Variants in MACROD2 observed in about 807,000 individuals in gnomAD.
The protein encoded by MACROD2 is ADP-ribose glycohydrolase MACROD2.
MACROD2 carries 36 observed loss-of-function variants against 70.4 expected under a neutral mutation model. The ratio of observed to expected loss-of-function variants is 0.51; its 90% CI spans 0.39 to 0.68. MACROD2 has a LOEUF of 0.68. Among genes scored for constraint, MACROD2 ranks in the 30% least tolerant of loss-of-function variants. The probability of loss-of-function intolerance (pLI) is 0.00; values close to 1 mark genes in which losing one functional copy is unlikely to be tolerated. For missense variants in MACROD2, 496 were observed against 538.4 expected, an observed-to-expected ratio of 0.92 and a Z score of 0.78; for synonymous variants, 172 against 178.8, an observed-to-expected ratio of 0.96 and a Z score of 0.30.
At chr20:15,817,661 A>G (rs2063891689) in intron 8 of MACROD2, among the ~76,000 whole-genome samples, 1 of 152,128 alleles carries the variant, frequency 6.6e-6, no homozygotes, top group Non-Finnish European at 1.5e-5. Flanking sequence ...TGGTGCCAGT[A>G]TCTTAGGTTA....
chr20:14,374,883 T>C (rs1400897554), intron 3 of MACROD2, among the ~76,000 whole-genome samples: 1 of 152,206 alleles, frequency 6.6e-6, no homozygotes, highest in Non-Finnish European at 1.5e-5. Context: ...GGCACATCTC[T>C]TTTCTCCCAA....
intron 5 of MACROD2, among the ~76,000 whole-genome samples, chr20:14,946,721 A>G (rs536473618): frequency 1.3e-5 from 2 of 152,312 alleles, no homozygotes; most frequent in South Asian, 4.1e-4. Flanking sequence ...GTTTAGAGAA[A>G]AGAACACAGG....
intron 8 of MACROD2, among the ~76,000 whole-genome samples, chr20:15,639,561 G>A (rs2049422614): frequency 6.6e-6 from 1 of 152,144 alleles, no homozygotes; most frequent in Non-Finnish European, 1.5e-5. Context: ...TGCAGAGCCA[G>A]GCACAGATCT....
At chr20:14,592,049 A>G (rs1418895602) in intron 4 of MACROD2, among the ~76,000 whole-genome samples, 1 of 152,186 alleles carries the variant, frequency 6.6e-6, no homozygotes, top group Non-Finnish European at 1.5e-5. Context: ...GTGGAAGGAC[A>G]TGGCAAATAG....
At chr20:15,258,525 T>C (rs2077220008) in intron 6 of MACROD2, among the ~76,000 whole-genome samples, 2 of 152,128 alleles carry the variant, frequency 1.3e-5, no homozygotes, top group Admixed American at 6.6e-5. Flanking sequence ...TAACATGCTG[T>C]TCACATTTGT....
intron 3 of MACROD2, among the ~76,000 whole-genome samples, chr20:14,469,578 T>G (rs1389815100): frequency 6.6e-6 from 1 of 152,116 alleles, no homozygotes; most frequent in East Asian, 1.9e-4. Flanking sequence ...GTTGTAGGTT[T>G]GGTCTTTTCA....
intron 3 of MACROD2, among the ~76,000 whole-genome samples, chr20:14,197,639 C>T (rs1365704601): frequency 3.3e-5 from 5 of 151,996 alleles, no homozygotes; most frequent in African/African-American, 4.8e-5. Context: ...TGGTGGTGGG[C>T]GCCTGTAATC....
intron 3 of MACROD2, among the ~76,000 whole-genome samples, chr20:14,376,308 G>C (rs1343128285): frequency 6.6e-6 from 1 of 152,050 alleles, no homozygotes; most frequent in East Asian, 1.9e-4. Context: ...GTCGTGACCA[G>C]AATTGTACAT....
intron 8 of MACROD2, among the ~76,000 whole-genome samples, chr20:15,599,876 ATG>A (rs2048795785): frequency 6.6e-6 from 1 of 152,164 alleles, no homozygotes; most frequent in Non-Finnish European, 1.5e-5. Context: ...TGCCTTCTCC[ATG>A]GAATGCTTTT....
At chr20:16,049,727 G>C in intron 17 of MACROD2, 103 bp from the exon 18 acceptor site, 1 of 1,152,356 alleles carries the variant, frequency 8.7e-7, no homozygotes, top group East Asian at 2.5e-5. Context: ...GCCTATGTGA[G>C]GGGTGAGAGA....
chr20:15,391,127 G>C (rs2045786911), intron 6 of MACROD2, among the ~76,000 whole-genome samples: 1 of 152,122 alleles, frequency 6.6e-6, no homozygotes, highest in African/African-American at 2.4e-5. Flanking sequence ...ATAACAAGTA[G>C]AAAGGAGCCA....
At chr20:15,838,058 C>T (rs1179102025) in intron 8 of MACROD2, among the ~76,000 whole-genome samples, 1 of 152,064 alleles carries the variant, frequency 6.6e-6, no homozygotes, top group African/African-American at 2.4e-5. Context: ...GAGAAAAACT[C>T]ATATACCGTA....
intron 12 of MACROD2, among the ~76,000 whole-genome samples, chr20:15,963,875 GTTAATC>G (rs1392636277): frequency 2.0e-5 from 3 of 151,270 alleles, no homozygotes; most frequent in East Asian, 1.9e-4. Flanking sequence ...TTTTATTCTT[GTTAATC>G]TTAAAAGCAC....
intron 4 of MACROD2, among the ~76,000 whole-genome samples, chr20:14,515,463 A>ACACACGCGCG (rs34190778): frequency 7.2e-6 from 1 of 138,904 alleles, no homozygotes; most frequent in Middle Eastern, 3.6e-3. Context: ...ATACACACAC[A>ACACACGCGCG]CGCACACACA....
intron 5 of MACROD2, among the ~76,000 whole-genome samples, chr20:14,773,634 C>T (rs2072199065): frequency 6.6e-6 from 1 of 151,960 alleles, no homozygotes; most frequent in Non-Finnish European, 1.5e-5. Context: ...GTATATATGT[C>T]ACATTTGCCT....
At chr20:15,054,446 T>C (rs1209006713) in intron 5 of MACROD2, among the ~76,000 whole-genome samples, 2 of 152,166 alleles carry the variant, frequency 1.3e-5, no homozygotes, top group Non-Finnish European at 2.9e-5. Context: ...ATCAAAAAAA[T>C]TTCAGCTCAC....
chr20:15,161,617 G>A (rs548939939), intron 5 of MACROD2, among the ~76,000 whole-genome samples: 4 of 151,856 alleles, frequency 2.6e-5, no homozygotes, highest in African/African-American at 7.2e-5. Context: ...AGTAAATTAC[G>A]ATTTTCTTCT....
At chr20:15,470,545 G>A (rs2046951405) in intron 7 of MACROD2, among the ~76,000 whole-genome samples, 1 of 152,034 alleles carries the variant, frequency 6.6e-6, no homozygotes, top group Admixed American at 6.6e-5. Flanking sequence ...GAAGAGCCAG[G>A]GCATCCCTTG....
At chr20:14,858,075 C>G (rs1288405195) in intron 5 of MACROD2, among the ~76,000 whole-genome samples, 2 of 152,232 alleles carry the variant, frequency 1.3e-5, no homozygotes, top group African/African-American at 2.4e-5. Flanking sequence ...CCTGCCTCCG[C>G]CCTCCAAAGT....
Sources: allele counts gnomAD v4.1 joint callset (sites outside exome capture counted in the v4.1 genomes callset), GRCh38; gene constraint gnomAD v4.1.1; transcripts MANE v1.5; gene names NCBI Gene and HGNC (gene_info 2026-07-23, HGNC 2026-07-21).